Variants in FAM222A observed in about 807,000 individuals in gnomAD.
FAM222A encodes protein FAM222A.
Under a neutral mutation model 25.8 loss-of-function variants are expected in FAM222A, and 7 were observed. That is an observed-to-expected ratio of 0.27 (90% CI 0.15 to 0.51). The LOEUF (loss-of-function observed/expected upper bound fraction) is 0.51. Ranked by LOEUF, FAM222A falls within the 20% of genes least tolerant of loss-of-function variation. The probability of loss-of-function intolerance (pLI) is 0.97; values close to 1 mark genes in which losing one functional copy is unlikely to be tolerated. For missense variants in FAM222A, 573 were observed against 640.5 expected, an observed-to-expected ratio of 0.89 and a Z score of 1.14; for synonymous variants, 294 against 298.8, an observed-to-expected ratio of 0.98 and a Z score of 0.17.
intron 2 of FAM222A, among the ~76,000 whole-genome samples, chr12:109,754,401 A>AT (rs1166165692): frequency 1.3e-5 from 2 of 152,324 alleles, no homozygotes; most frequent in Admixed American, 1.3e-4. Context: ...ACCCAAGAGA[A>AT]TAAGACTTTA....
intron 2 of FAM222A, among the ~76,000 whole-genome samples, chr12:109,750,287 A>G (rs1167883308): frequency 6.6e-6 from 1 of 152,090 alleles, no homozygotes; most frequent in African/African-American, 2.4e-5. Flanking sequence ...TCTCCACAAC[A>G]TTTTCTTAGA....
intron 1 of FAM222A, among the ~76,000 whole-genome samples, chr12:109,717,652 G>A (rs559450364): frequency 1.3e-5 from 2 of 152,286 alleles, no homozygotes; most frequent in East Asian, 3.9e-4. Context: ...GATAGGGAAG[G>A]TTTAAGCAGG....
chr12:109,719,487 G>A (rs1227363836), intron 1 of FAM222A, among the ~76,000 whole-genome samples: 2 of 152,222 alleles, frequency 1.3e-5, no homozygotes, highest in Non-Finnish European at 2.9e-5. Context: ...CAAGTGATAA[G>A]AAATCAGATG....
intron 1 of FAM222A, among the ~76,000 whole-genome samples, chr12:109,731,163 T>G (rs1419131384): frequency 6.6e-6 from 1 of 152,094 alleles, no homozygotes; most frequent in African/African-American, 2.4e-5. Flanking sequence ...TCGTCCTTCC[T>G]AGACACTGTC....
intron 1 of FAM222A, among the ~76,000 whole-genome samples, chr12:109,729,449 C>G (rs1887901819): frequency 6.6e-6 from 1 of 152,198 alleles, no homozygotes; most frequent in South Asian, 2.1e-4. Flanking sequence ...CTCAAGACAC[C>G]CCCAGCCAGC....
At chr12:109,728,899 G>A (rs759071952) in intron 1 of FAM222A, among the ~76,000 whole-genome samples, 4 of 151,748 alleles carry the variant, frequency 2.6e-5, no homozygotes, top group South Asian at 2.1e-4. Context: ...AAGACTAACC[G>A]AACCCCTACT....
chr12:109,731,338 C>T (rs1171724486), intron 1 of FAM222A, among the ~76,000 whole-genome samples: 2 of 152,038 alleles, frequency 1.3e-5, no homozygotes, highest in African/African-American at 4.8e-5. Flanking sequence ...TCCTGTGGGA[C>T]ATTGGGTGCC....
At chr12:109,730,746 A>C (rs1887932382) in intron 1 of FAM222A, among the ~76,000 whole-genome samples, 2 of 152,122 alleles carry the variant, frequency 1.3e-5, no homozygotes, top group Non-Finnish European at 2.9e-5. Flanking sequence ...CACTCGTTGG[A>C]GCATCCCCTC....
At chr12:109,750,719 C>T (rs1196117291) in intron 2 of FAM222A, among the ~76,000 whole-genome samples, 1 of 151,742 alleles carries the variant, frequency 6.6e-6, no homozygotes, top group African/African-American at 2.4e-5. Context: ...GAACAATACT[C>T]CTGGAGTTTC....
At chr12:109,718,311 A>ACCCACCCACCCT (rs1887683654) in intron 1 of FAM222A, among the ~76,000 whole-genome samples, 1 of 60,576 alleles carries the variant, frequency 1.7e-5, no homozygotes, top group African/African-American at 5.5e-5. Context: ...CCACCCACCC[A>ACCCACCCACCCT]CCCACATGGT....
chr12:109,767,932 G>A, intron 2 of FAM222A, 80 bp from the exon 3 acceptor site: 1 of 1,354,876 alleles, frequency 7.4e-7, no homozygotes, highest in Non-Finnish European at 1.0e-6. Flanking sequence ...AATGAGTGGA[G>A]GGGGCGGGAC....
intron 2 of FAM222A, among the ~76,000 whole-genome samples, chr12:109,747,077 T>A (rs1888420372): frequency 6.6e-6 from 1 of 152,122 alleles, no homozygotes; most frequent in African/African-American, 2.4e-5. Flanking sequence ...GGATTTTAGA[T>A]TTGGGGTGCT....
chr12:109,717,730 A>G (rs531268579), intron 1 of FAM222A, among the ~76,000 whole-genome samples: 1 of 152,326 alleles, frequency 6.6e-6, no homozygotes, highest in Non-Finnish European at 1.5e-5. Flanking sequence ...TAAGCGTGGA[A>G]GTGGCCACCT....
intron 1 of FAM222A, among the ~76,000 whole-genome samples, chr12:109,731,340 T>C (rs1213425420): frequency 6.6e-6 from 1 of 151,944 alleles, no homozygotes; most frequent in East Asian, 1.9e-4. Flanking sequence ...CTGTGGGACA[T>C]TGGGTGCCCA....
At chr12:109,761,241 C>A (rs975832633) in intron 2 of FAM222A, among the ~76,000 whole-genome samples, 3 of 151,972 alleles carry the variant, frequency 2.0e-5, no homozygotes, top group African/African-American at 7.3e-5. Context: ...GTAAGGCTGC[C>A]CCCCCAGGCC....
chr12:109,743,759 C>T (rs1259078224), intron 1 of FAM222A, among the ~76,000 whole-genome samples: 1 of 152,014 alleles, frequency 6.6e-6, no homozygotes, highest in African/African-American at 2.4e-5. Context: ...GAAGCACAGC[C>T]TGCTGCGGGG....
chr12:109,745,257 T>A (rs1320394957), intron 2 of FAM222A, among the ~76,000 whole-genome samples: 1 of 152,232 alleles, frequency 6.6e-6, no homozygotes, highest in East Asian at 1.9e-4. Flanking sequence ...TCTCACTGTT[T>A]CCCTTTGTAA....
At chr12:109,733,405 ATT>A (rs796576388) in intron 1 of FAM222A, among the ~76,000 whole-genome samples, 1 of 144,528 alleles carries the variant, frequency 6.9e-6, no homozygotes, top group Non-Finnish European at 1.5e-5. Context: ...CCATTATTAC[ATT>A]TTTTTTTTTT....
chr12:109,748,330 C>CTTTTTTTTTTTT (rs1410740242), intron 2 of FAM222A, among the ~76,000 whole-genome samples: 2 of 40,440 alleles, frequency 4.9e-5, no homozygotes, highest in Non-Finnish European at 1.0e-4. Flanking sequence ...CTTTGGTTTT[C>CTTTTTTTTTTTT]TTTCTTTTTT....
Sources: gnomAD v4.1 joint callset for allele counts (sites outside exome capture counted in the v4.1 genomes callset) on GRCh38, gnomAD v4.1.1 for gene constraint, MANE v1.5 for transcripts, NCBI Gene and HGNC (gene_info 2026-07-23, HGNC 2026-07-21) for gene names.